LEPROT: variants seen among roughly 807,000 people sequenced by gnomAD.
LEPROT encodes leptin receptor overlapping transcript, also known as leptin receptor gene-related protein.
A neutral mutation model predicts 15.4 loss-of-function variants in LEPROT; 3 were observed. The ratio of observed to expected loss-of-function variants is 0.19; its 90% CI spans 0.09 to 0.50. LEPROT has a LOEUF of 0.50. Ranked by LOEUF, LEPROT falls within the 20% of genes least tolerant of loss-of-function variation. The pLI, the probability that LEPROT is intolerant of heterozygous loss-of-function variation, is 0.97. For missense variants in LEPROT, 137 were observed against 162.2 expected (o/e 0.84, Z 0.84); for synonymous variants, 59 against 57.5 (o/e 1.03, Z -0.12).
In LEPROT at chr1:65,435,990, T is replaced by C; in HGVS notation, c.*4071T>C. 1 of 984,228 alleles carries C rather than the reference T, an allele frequency of 1.0e-6. No homozygotes were observed. Among genetic ancestry groups the C allele is most frequent in the African/African-American group, 1.7e-5 (1 of 57,338 alleles). 61.0% of individuals were successfully genotyped at this position (984,228 alleles called of 1,614,324 possible). On this transcript the variant is annotated 3_prime_UTR_variant, in exon 4 of 4. Coordinates refer to ENST00000371065, the MANE Select transcript of LEPROT (RefSeq NM_017526.5). ...AGGACGATTACTTTGTAAATAAAAC[T>C]TGTTATTGACATTTTAACAAAGGCT...
chr1:65,434,202 G>T lies in LEPROT; in HGVS notation c.*2283G>T, dbSNP rs1646526811. On this transcript the variant is annotated 3_prime_UTR_variant, in exon 4 of 4. Coordinates refer to ENST00000371065, the MANE Select transcript of LEPROT (RefSeq NM_017526.5). ...TCTGAAAAGAGAGCTATTCTGCAGT[G>T]CCTAAATATCATTTAAACAGTAAAT... 4 of 982,284 alleles carry T rather than the reference G, an allele frequency of 4.1e-6. No individual in the cohort carries two copies. Among genetic ancestry groups the T allele is most frequent in the Non-Finnish European group, 4.8e-6 (4 of 827,234 alleles). The allele number at this position is 982,284 out of a possible 1,614,324, so 60.8% of individuals were successfully genotyped here.
In LEPROT at chr1:65,434,995, T is replaced by G; in HGVS notation, c.*3076T>G. ...TTGGGCCGACTGCCATTCCCATGAC[T>G]GCTGCACCTGCGTTTTTAGAGAATG... On this transcript the variant is annotated 3_prime_UTR_variant, in exon 4 of 4. Coordinates refer to ENST00000371065, the MANE Select transcript of LEPROT (RefSeq NM_017526.5). 2 of 985,498 alleles carry G rather than the reference T, an allele frequency of 2.0e-6. No homozygotes were observed. The highest frequency in any genetic ancestry group is 2.4e-6 in the Non-Finnish European group (2 of 829,972). The allele number at this position is 985,498 out of a possible 1,614,324, so 61.0% of individuals were successfully genotyped here. A position where few individuals can be genotyped will look rare whatever the true frequency, so the allele number is the denominator to read the frequency against.
intron 2 of LEPROT, among the ~76,000 whole-genome samples, 170 bp from the exon 3 acceptor site, chr1:65,429,692 A>G (rs1646449179): frequency 6.6e-6 from 1 of 152,234 alleles, no homozygotes. Context: ...TAAAATTATC[A>G]CTACTTATCT....
Position 65,435,905 on chromosome 1 carries a change from TC to T in LEPROT, c.*3987del. On this transcript the variant is annotated 3_prime_UTR_variant, in exon 4 of 4. Transcript: ENST00000371065. Reference sequence around the variant, plus strand: ...GTAATAGCTCATAAATTATAATCTTTCAAATAGCCATGCTACCAGCGTACAA... The same window carrying T: ...GTAATAGCTCATAAATTATAATCTTTAAATAGCCATGCTACCAGCGTACAA... 1.0e-6 allele frequency: 1 copy of T among 985,020 alleles called. No individual in the cohort carries two copies. Among genetic ancestry groups the T allele is most frequent in the Non-Finnish European group, 1.2e-6 (1 of 829,562 alleles). 61.0% of individuals were successfully genotyped at this position (985,020 alleles called of 1,614,324 possible).
rs1000491367 is a variant in LEPROT, at chr1:65,435,961, T to A, written c.*4042T>A. On this transcript the variant is annotated 3_prime_UTR_variant, in exon 4 of 4. Coordinates refer to ENST00000371065, the MANE Select transcript of LEPROT (RefSeq NM_017526.5). ...GATACATGTAACCCCAAATGTGATG[T>A]GAGAGGACGATTACTTTGTAAATAA... The A allele has an allele frequency of 2.8e-5, 28 of 985,224 alleles. No homozygotes were observed. The South Asian group carries it at 1.2e-3, about 43-fold the overall frequency. 61.0% of individuals were successfully genotyped at this position (985,224 alleles called of 1,614,324 possible).
At chr1:65,425,476 A>G in intron 2 of LEPROT, 98 bp downstream of exon 2, 1 of 1,016,648 alleles carries the variant, frequency 9.8e-7, no homozygotes, top group Non-Finnish European at 1.4e-6. Flanking sequence ...ACCAAGTTCT[A>G]ACCAGTGAGT....
Position 65,434,696 on chromosome 1 carries a change from C to T in LEPROT, c.*2777C>T. The T allele has an allele frequency of 1.0e-6, 1 of 985,400 alleles. No individual in the cohort carries two copies. The highest frequency in any genetic ancestry group is 1.2e-6 in the Non-Finnish European group (1 of 829,954). 61.0% of individuals were successfully genotyped at this position (985,400 alleles called of 1,614,324 possible). ...CAAGGTCTTTCTCCTTTTAATTTTT[C>T]CACTCATTTTCACCTCCTAATGCCC... is the stretch of plus-strand genomic sequence containing the variant. On this transcript the variant is annotated 3_prime_UTR_variant, in exon 4 of 4. Coordinates refer to ENST00000371065, the MANE Select transcript of LEPROT (RefSeq NM_017526.5).
chr1:65,430,030 TC>T lies in LEPROT; in HGVS notation c.262del (p.Ala89LeufsTer5). The T allele has an allele frequency of 6.4e-7, 1 of 1,560,860 alleles. No homozygotes were observed. The highest frequency in any genetic ancestry group is 8.8e-7 in the Non-Finnish European group (1 of 1,140,680). Reference sequence around the variant, plus strand: ...TTTCTGCCTTTGGATTTCCTGTTATTCTTGCTCGTGTGGCTGTGGTAAGTTT... The same window carrying T: ...TTTCTGCCTTTGGATTTCCTGTTATTTTGCTCGTGTGGCTGTGGTAAGTTT... ...VVSAFGFPVI[L>X]ARVAVIKWGA... is the part of the protein sequence containing the mutation. On this transcript the variant is annotated frameshift_variant, in exon 3 of 4. Transcript: ENST00000371065. LOFTEE classifies it high-confidence loss of function.
chr1:65,435,807 G>T lies in LEPROT; in HGVS notation c.*3888G>T. 1.0e-6 allele frequency: 1 copy of T among 981,932 alleles called. No individual in the cohort carries two copies. The highest frequency in any genetic ancestry group is 1.2e-6 in the Non-Finnish European group (1 of 826,786). The allele number at this position is 981,932 out of a possible 1,614,324, so 60.8% of individuals were successfully genotyped here. On this transcript the variant is annotated 3_prime_UTR_variant, in exon 4 of 4. Coordinates refer to ENST00000371065, the MANE Select transcript of LEPROT (RefSeq NM_017526.5). ...TTATGTCTGTAGTAGATAAATATTA[G>T]TTGTGCATTTTAATTTAATTCTCCT...
chr1:65,423,737 C>G (rs371946586), intron 1 of LEPROT, among the ~76,000 whole-genome samples: 9 of 152,256 alleles, frequency 5.9e-5, no homozygotes, highest in African/African-American at 1.2e-4. Flanking sequence ...TAAATCTTCT[C>G]TCAAGTAAAA....
chr1:65,430,176 T>G, intron 3 of LEPROT, 128 bp downstream of exon 3: 5 of 798,314 alleles, frequency 6.3e-6, no homozygotes, highest in Non-Finnish European at 9.1e-6. Context: ...TTAGTTTCTC[T>G]GTTCCTCTAC....
intron 1 of LEPROT, 112 bp downstream of exon 1, chr1:65,420,852 T>G: frequency 7.8e-7 from 1 of 1,288,506 alleles, no homozygotes; most frequent in Non-Finnish European, 1.1e-6. Context: ...TCACCACCCT[T>G]CCCGCCTCTC....
Position 65,435,201 on chromosome 1 carries a change from T to TA in LEPROT, c.*3284dup. The TA allele has an allele frequency of 1.0e-6, 1 of 985,432 alleles. No homozygotes were observed. The highest frequency in any genetic ancestry group is 1.2e-6 in the Non-Finnish European group (1 of 829,942). The allele number at this position is 985,432 out of a possible 1,614,324, so 61.0% of individuals were successfully genotyped here. ...TCATAGTTGTTTCTTTTCTTCCACT[T>TA]AAGAACTCATAGATTTTTCTTACTG... On this transcript the variant is annotated 3_prime_UTR_variant, in exon 4 of 4. Coordinates refer to ENST00000371065, the MANE Select transcript of LEPROT (RefSeq NM_017526.5).
At chr1:65,421,292 A>G in intron 1 of LEPROT, 1 of 1,500,806 alleles carries the variant, frequency 6.7e-7, no homozygotes, top group Non-Finnish European at 8.9e-7. Context: ...TAATTTTAAT[A>G]CTGCTTTCTT....
At chr1:65,423,270 T>A (rs1307286772) in intron 1 of LEPROT, among the ~76,000 whole-genome samples, 1 of 152,046 alleles carries the variant, frequency 6.6e-6, no homozygotes, top group Non-Finnish European at 1.5e-5. Context: ...GGGTTGAACA[T>A]AAGTTTTCAG....
Position 65,429,861 on chromosome 1 carries a change from G to A in LEPROT, c.93-1G>A, listed in dbSNP as rs765431973. On this transcript the variant is annotated splice_acceptor_variant, in intron 2 of 3. Coordinates refer to ENST00000371065, the MANE Select transcript of LEPROT (RefSeq NM_017526.5). LOFTEE classifies it high-confidence loss of function. ...GGATTTTGCCTGGGTCCAACTGACA[G>A]CGTTTACTGGCCCTTATTCGTCCTG... 1 of 1,465,184 alleles carries A rather than the reference G, an allele frequency of 6.8e-7. No individual in the cohort carries two copies. Among genetic ancestry groups the A allele is most frequent in the South Asian group, 1.5e-5 (1 of 67,330 alleles). 90.8% of individuals were successfully genotyped at this position (1,465,184 alleles called of 1,614,324 possible). A position where few individuals can be genotyped will look rare whatever the true frequency, so the allele number is the denominator to read the frequency against.
chr1:65,427,027 G>A (rs2101689196), intron 2 of LEPROT, among the ~76,000 whole-genome samples: 1 of 151,760 alleles, frequency 6.6e-6, no homozygotes, highest in South Asian at 2.1e-4. Context: ...TGATGATGTG[G>A]TTAAGACCTA....
At chr1:65,425,170 TAATTCCAGAA>T (rs1646335130) in intron 1 of LEPROT, 123 bp from the exon 2 acceptor site, 1 of 699,042 alleles carries the variant, frequency 1.4e-6, no homozygotes, top group Middle Eastern at 2.3e-4. Flanking sequence ...CACTACTATC[TAATTCCAGAA>T]AATTTACTCA....
chr1:65,431,944 T>C lies in LEPROT; in HGVS notation c.*25T>C. 6.2e-7 allele frequency: 1 copy of C among 1,606,788 alleles called. No homozygotes were observed. The highest frequency in any genetic ancestry group is 1.7e-5 in the Admixed American group (1 of 58,136). ...GCACTTTATTCTGATTACAGTGCAT[T>C]GAATTTCTTAGAACTCATACTATCT... On this transcript the variant is annotated 3_prime_UTR_variant, in exon 4 of 4. Coordinates refer to ENST00000371065, the MANE Select transcript of LEPROT (RefSeq NM_017526.5).
Sources: gnomAD v4.1 joint callset for allele counts (sites outside exome capture counted in the v4.1 genomes callset) on GRCh38, gnomAD v4.1.1 for gene constraint, MANE v1.5 for transcripts, NCBI Gene and HGNC (gene_info 2026-07-23, HGNC 2026-07-21) for gene names.